The following HELZ variants were observed in gnomAD, a reference collection of about 807,000 sequenced individuals.
The protein encoded by HELZ is helicase with zinc finger.
A neutral mutation model predicts 218.2 loss-of-function variants in HELZ; 23 were observed. The ratio of observed to expected loss-of-function variants is 0.11; its 90% CI spans 0.08 to 0.15. The LOEUF (loss-of-function observed/expected upper bound fraction) is 0.15. Among genes scored for constraint, HELZ ranks in the 10% least tolerant of loss-of-function variants. The pLI is 1.00. For missense variants in HELZ, 1,813 were observed against 2,353.7 expected, an observed-to-expected ratio of 0.77 and a Z score of 4.75; for synonymous variants, 814 against 829.4, an observed-to-expected ratio of 0.98 and a Z score of 0.32.
rs758453765 is a variant in HELZ, at chr17:67,109,498, T to C, written c.4107A>G (p.Pro1369=). ...TGTGCTGCTGTGGAATTGGAAAGGG[T>C]GGTCTTGGTAGCTGGGGAAGGGGAT... ...HFHPLPQLPR[P]PFPIPQQHTL... Residue 1369 remains proline, a synonymous_variant, in exon 29 of 33, where the codon CCA becomes CCG. Coordinates refer to ENST00000358691, the MANE Select transcript of HELZ (RefSeq NM_014877.4). 6.2e-7 allele frequency: 1 copy of C among 1,613,834 alleles called. No individual in the cohort carries two copies. The highest frequency in any genetic ancestry group is 2.2e-5 in the East Asian group (1 of 44,888).
chr17:67,117,457 T>C (rs1217811540), intron 27 of HELZ, among the ~76,000 whole-genome samples: 1 of 152,132 alleles, frequency 6.6e-6, no homozygotes, highest in Non-Finnish European at 1.5e-5. Flanking sequence ...CTTTTTGGAA[T>C]GTATTACTGA....
intron 4 of HELZ, among the ~76,000 whole-genome samples, chr17:67,217,006 T>G (rs1362419301): frequency 1.1e-4 from 17 of 152,160 alleles, no homozygotes; most frequent in Admixed American, 1.0e-3. Context: ...CCTTGGTGAT[T>G]CTACGCTGGC....
At chr17:67,140,561 G>GA (rs1468060692) in intron 21 of HELZ, among the ~76,000 whole-genome samples, 1 of 152,086 alleles carries the variant, frequency 6.6e-6, no homozygotes, top group East Asian at 1.9e-4. Flanking sequence ...AAGTAATGCA[G>GA]AAAAAATAGC....
chr17:67,158,818 T>G (rs2038916838), intron 17 of HELZ, among the ~76,000 whole-genome samples: 2 of 152,072 alleles, frequency 1.3e-5, no homozygotes, highest in Non-Finnish European at 1.5e-5. Flanking sequence ...GATTATAACC[T>G]CCAAAAAATA....
rs1056475954 is a variant in HELZ at position 67,108,324 on chromosome 17, T to C, written c.4724+168A>G. 6 of 581,570 alleles carry C rather than the reference T, an allele frequency of 1.0e-5. No individual in the cohort carries two copies. The highest frequency in any genetic ancestry group is 1.8e-5 in the Non-Finnish European group (6 of 327,726). The allele number at this position is 581,570 out of a possible 1,614,324, so 36.0% of individuals were successfully genotyped here. A position where few individuals can be genotyped will look rare whatever the true frequency, so the allele number is the denominator to read the frequency against. ...TGTAGAAGAGTTACTTCTAAATGAG[T>C]TTTCTGTATTTTAGAGTCAACAAGA... is the stretch of plus-strand genomic sequence containing the variant. On this transcript the variant is annotated intron_variant, in intron 30 of 32. Transcript: ENST00000358691. This position sits in a 1 kb window ranked among gnomAD's most constrained non-coding sequence, Gnocchi z 4.1.
chr17:67,191,105 T>A (rs1033395000), intron 9 of HELZ, among the ~76,000 whole-genome samples: 4 of 152,088 alleles, frequency 2.6e-5, no homozygotes, highest in Non-Finnish European at 5.9e-5. Flanking sequence ...CTTAAAAAAA[T>A]TTTCTATATA....
At chr17:67,084,423 G>A (rs925385994) in intron 32 of HELZ, among the ~76,000 whole-genome samples, 1 of 152,198 alleles carries the variant, frequency 6.6e-6, no homozygotes, top group East Asian at 1.9e-4. Flanking sequence ...AGCACTTTGG[G>A]AGGCCGAGGC....
At chr17:67,194,199 A>C (rs775059404) in intron 8 of HELZ, among the ~76,000 whole-genome samples, 157 bp from the exon 9 acceptor site, 1 of 152,214 alleles carries the variant, frequency 6.6e-6, no homozygotes. Context: ...GTAATCTACC[A>C]ATCAACTACA....
At chr17:67,160,093 A>C (rs1567851689) in intron 17 of HELZ, among the ~76,000 whole-genome samples, 168 bp downstream of exon 17, 1 of 152,158 alleles carries the variant, frequency 6.6e-6, no homozygotes, top group African/African-American at 2.4e-5. Flanking sequence ...ATAGTCAAAG[A>C]TTTTTACATT....
At chr17:67,179,275 T>C (rs1390923763) in intron 12 of HELZ, among the ~76,000 whole-genome samples, 2 of 152,206 alleles carry the variant, frequency 1.3e-5, no homozygotes, top group African/African-American at 4.8e-5. Context: ...AAATTCTTCA[T>C]AGGTTTTATC....
chr17:67,201,827 A>C (rs1335197967), intron 6 of HELZ, among the ~76,000 whole-genome samples: 1 of 152,210 alleles, frequency 6.6e-6, no homozygotes, highest in African/African-American at 2.4e-5. Context: ...TTAGAACTAA[A>C]TAGCTATATA....
At chr17:67,193,311 C>T (rs1242027865) in intron 9 of HELZ, among the ~76,000 whole-genome samples, 6 of 140,480 alleles carry the variant, frequency 4.3e-5, no homozygotes, top group Admixed American at 3.0e-4. Flanking sequence ...AGCCACTGCA[C>T]TCCCAACTGG....
intron 3 of HELZ, among the ~76,000 whole-genome samples, chr17:67,228,648 G>C (rs1175400723): frequency 2.7e-5 from 4 of 149,610 alleles, no homozygotes; most frequent in Admixed American, 6.6e-5. Context: ...GATGACAGAG[G>C]AGACTTTGTC....
At position 67,226,257 on chromosome 17, in the gene HELZ, C is replaced by CA. The variant is rs562828369; in HGVS notation, c.-18-7436dup. Among the ~76,000 whole-genome samples, 407 of 64,280 alleles carry CA rather than the reference C, an allele frequency of 6.3e-3. 3 individuals are homozygous for CA. Among genetic ancestry groups the CA allele is most frequent in the Middle Eastern group, 0.047 (4 of 86 alleles). 42.2% of individuals were successfully genotyped at this position (64,280 alleles called of 152,430 possible). On this transcript the variant is annotated intron_variant, in intron 3 of 32. Coordinates refer to ENST00000358691, the MANE Select transcript of HELZ (RefSeq NM_014877.4). ...CTAGCAACAGGGTGAGACTCCATCTCAAAAAAAAAAAAAAGAAAAAAGGAA... is the reference window on the plus strand; with the variant it reads ...CTAGCAACAGGGTGAGACTCCATCTCAAAAAAAAAAAAAAAGAAAAAAGGAA...
At chr17:67,127,127 A>T in intron 24 of HELZ, among the ~76,000 whole-genome samples, 1 of 152,002 alleles carries the variant, frequency 6.6e-6, no homozygotes, top group East Asian at 1.9e-4. Flanking sequence ...ATCTCCCACT[A>T]CCTCCACCCA....
At position 67,234,059 on chromosome 17, in the gene HELZ, A is replaced by AAG. The variant is rs1034509355; in HGVS notation, c.-19+5372_-19+5373dup. ...ACTCCATCTCAAAAAAAAAAAAAAA[A>AAG]AGAGAGAGAGAGAGAGAACTTTGGG... On this transcript the variant is annotated intron_variant, in intron 3 of 32. Coordinates refer to ENST00000358691, the MANE Select transcript of HELZ (RefSeq NM_014877.4). 2.7e-3 allele frequency among the ~76,000 whole-genome samples: 407 copies of AAG among 148,632 alleles called. 1 individual carries two copies. The highest frequency in any genetic ancestry group is 7.4e-3 in the African/African-American group (301 of 40,816).
At chr17:67,172,953 A>G in intron 13 of HELZ, 1 of 585,364 alleles carries the variant, frequency 1.7e-6, no homozygotes, top group Non-Finnish European at 2.2e-6. Context: ...GAGAATCACC[A>G]TCCCAAAACA....
intron 28 of HELZ, among the ~76,000 whole-genome samples, chr17:67,113,414 C>T (rs113082215): frequency 0.085 from 12,939 of 152,120 alleles, 1,790 homozygotes; most frequent in African/African-American, 0.29. Context: ...CGCCCGCCAC[C>T]ACGCCCGGCT....
chr17:67,087,628 T>G (rs1461003162), intron 31 of HELZ, among the ~76,000 whole-genome samples: 1 of 152,194 alleles, frequency 6.6e-6, no homozygotes, highest in Non-Finnish European at 1.5e-5. Flanking sequence ...CCAACGTAAG[T>G]ACTCTTGACT....
Sources: allele counts gnomAD v4.1 joint callset (sites outside exome capture counted in the v4.1 genomes callset), GRCh38; gene constraint gnomAD v4.1.1; non-coding constraint Gnocchi (gnomAD v3.1); transcripts MANE v1.5; gene names NCBI Gene and HGNC (gene_info 2026-07-23, HGNC 2026-07-21).